The following DLGAP1 variants were observed in gnomAD, a reference collection of about 807,000 sequenced individuals.
DLGAP1 encodes DLG associated protein 1.
A neutral mutation model predicts 90.8 loss-of-function variants in DLGAP1; 11 were observed. That is an observed-to-expected ratio of 0.12 (90% CI 0.08 to 0.20). The LOEUF (loss-of-function observed/expected upper bound fraction) is 0.20, where lower values mean the gene tolerates loss of function less well. DLGAP1 is among the 10% of genes least tolerant of loss of function. DLGAP1 has a pLI of 1.00. For synonymous variants in DLGAP1, 558 were observed against 540.7 expected (o/e 1.03, Z -0.44); for missense variants, 1,050 against 1,333.8 (o/e 0.79, Z 3.31).
intron 3 of DLGAP1, among the ~76,000 whole-genome samples, chr18:3,893,271 A>T (rs1309536082): frequency 6.6e-6 from 1 of 152,028 alleles, no homozygotes; most frequent in Non-Finnish European, 1.5e-5. Flanking sequence ...GTGTATATAT[A>T]CCACATTTAA....
At chr18:3,989,107 A>G (rs1227907036) in intron 3 of DLGAP1, among the ~76,000 whole-genome samples, 1 of 152,148 alleles carries the variant, frequency 6.6e-6, no homozygotes, top group African/African-American at 2.4e-5. Context: ...CCCGGTCCCT[A>G]TGCTCCTGGA....
chr18:4,011,175 CAAAAAAAAA>C (rs35493947), intron 2 of DLGAP1, among the ~76,000 whole-genome samples: 26,092 of 97,756 alleles, frequency 0.27, 2,588 homozygotes, highest in African/African-American at 0.31. Flanking sequence ...GATTCCGCCT[CAAAAAAAAA>C]AAAAAAAAAA....
At chr18:3,743,323 A>C (rs1486945745) in intron 5 of DLGAP1, among the ~76,000 whole-genome samples, 1 of 151,454 alleles carries the variant, frequency 6.6e-6, no homozygotes, top group African/African-American at 2.4e-5. Flanking sequence ...ATATATAATC[A>C]ATTTAATGTT....
intron 1 of DLGAP1, among the ~76,000 whole-genome samples, chr18:4,435,003 A>G (rs928775257): frequency 2.0e-5 from 3 of 152,220 alleles, no homozygotes. Flanking sequence ...ATGGCACACT[A>G]CAAACTTGAA....
intron 7 of DLGAP1, among the ~76,000 whole-genome samples, chr18:3,667,689 C>T (rs986169885): frequency 1.3e-5 from 2 of 152,206 alleles, no homozygotes; most frequent in East Asian, 3.9e-4. Flanking sequence ...ACTTCCAGGT[C>T]GGTGTGACTG....
At chr18:3,580,138 T>A in intron 8 of DLGAP1, 1 of 1,136,268 alleles carries the variant, frequency 8.8e-7, no homozygotes, top group South Asian at 1.2e-5. Context: ...AAATAATAGC[T>A]GCTAATAATG....
At chr18:4,328,110 T>G (rs1174228919) in intron 1 of DLGAP1, among the ~76,000 whole-genome samples, 2 of 151,920 alleles carry the variant, frequency 1.3e-5, no homozygotes, top group Non-Finnish European at 2.9e-5. Context: ...TCCTCCCCGC[T>G]TCCCCTACTA....
chr18:3,806,204 T>C (rs1290310887), intron 5 of DLGAP1, among the ~76,000 whole-genome samples: 1 of 152,128 alleles, frequency 6.6e-6, no homozygotes, highest in African/African-American at 2.4e-5. Context: ...GACAAAATAG[T>C]AACCTGTAAA....
intron 7 of DLGAP1, 130 bp from the exon 8 acceptor site, chr18:3,582,378 A>C (rs549404602): frequency 2.1e-6 from 3 of 1,411,746 alleles, no homozygotes; most frequent in Non-Finnish European, 2.8e-6. Flanking sequence ...AACAAGTTCC[A>C]TTGACAGGCT....
At chr18:4,357,405 C>T (rs1003050906) in intron 1 of DLGAP1, among the ~76,000 whole-genome samples, 4 of 152,018 alleles carry the variant, frequency 2.6e-5, no homozygotes, top group South Asian at 4.1e-4. Context: ...CCACCCGCCT[C>T]GGCCTCCCAC....
At position 3,630,522 on chromosome 18, in the gene DLGAP1, T is replaced by C. The variant is rs577178717; in HGVS notation, c.1592-48274A>G. Among the ~76,000 whole-genome samples, 24 of 152,338 alleles carry C rather than the reference T, an allele frequency of 1.6e-4. No homozygotes were observed. In the South Asian group the frequency reaches 4.8e-3, roughly 30 times the overall value. On this transcript the variant is annotated intron_variant, in intron 7 of 12. Coordinates refer to ENST00000315677, the MANE Select transcript of DLGAP1 (RefSeq NM_004746.4). ...AATCTTTGTCTTTCTCTCTCTCCTG[T>C]TGTCTCTGTGTCTCTGAAGAACCCT...
At chr18:3,885,364 A>G (rs955886972) in intron 3 of DLGAP1, 3 of 152,202 alleles carry the variant, frequency 2.0e-5, no homozygotes, top group Admixed American at 2.0e-4. Flanking sequence ...GTGAATCCCT[A>G]GTGGTCAGAG....
intron 1 of DLGAP1, among the ~76,000 whole-genome samples, chr18:4,418,116 G>A (rs1313391951): frequency 6.6e-6 from 1 of 152,136 alleles, no homozygotes; most frequent in Admixed American, 6.6e-5. Flanking sequence ...GGTATACTGA[G>A]TGAAATAACA....
At position 3,567,562 on chromosome 18, in the gene DLGAP1, G is replaced by T. The variant is rs2054507659; in HGVS notation, c.1985C>A (p.Pro662His). ...IGIQVDDAEE[P>H]DKTGENKAPS... ...TGCTTTATTCTCCCCTGTTTTGTCA[G>T]GTTCTTCAGCATCATCCACCTGGAG... Residue 662 changes from proline to histidine, a missense_variant, in exon 9 of 13, where the codon CCT becomes CAT. By Grantham distance (77) the Pro-to-His change is moderately conservative (BLOSUM62 -2). Transcript: ENST00000315677. The T allele has an allele frequency of 3.1e-6, 5 of 1,613,864 alleles. No homozygotes were observed. The East Asian group carries it at 6.7e-5, about 22-fold the overall frequency.
At chr18:3,690,095 T>TG (rs59164998) in intron 7 of DLGAP1, among the ~76,000 whole-genome samples, 7,229 of 43,482 alleles carry the variant, frequency 0.17, 378 homozygotes, top group African/African-American at 0.38. Context: ...CTGGGTGAGG[T>TG]TTTTTTTTTT....
At chr18:4,361,730 A>G (rs928590391) in intron 1 of DLGAP1, among the ~76,000 whole-genome samples, 1 of 152,202 alleles carries the variant, frequency 6.6e-6, no homozygotes, top group African/African-American at 2.4e-5. Flanking sequence ...GGCAACAAAA[A>G]ATAATTTTAT....
At chr18:3,551,614 TTTC>T (rs2053434608) in intron 9 of DLGAP1, among the ~76,000 whole-genome samples, 1 of 128,106 alleles carries the variant, frequency 7.8e-6, no homozygotes, top group African/African-American at 2.8e-5. Flanking sequence ...TCTTTCTTTC[TTTC>T]TTTTTCTTTC....
At chr18:4,037,006 C>T (rs1182012525) in intron 2 of DLGAP1, among the ~76,000 whole-genome samples, 5 of 152,334 alleles carry the variant, frequency 3.3e-5, no homozygotes, top group Middle Eastern at 3.4e-3. Flanking sequence ...AAGCCTATTT[C>T]TCTCTGTTCA....
chr18:4,324,020 C>T (rs2080757997), intron 1 of DLGAP1, among the ~76,000 whole-genome samples: 1 of 151,836 alleles, frequency 6.6e-6, no homozygotes, highest in Non-Finnish European at 1.5e-5. Flanking sequence ...AATACAAAAT[C>T]AGAGTGAAAC....
Sources: gnomAD v4.1 joint callset for allele counts (sites outside exome capture counted in the v4.1 genomes callset) on GRCh38, gnomAD v4.1.1 for gene constraint, MANE v1.5 for transcripts, NCBI Gene and HGNC (gene_info 2026-07-23, HGNC 2026-07-21) for gene names.